Variants in PCDHA7 observed in about 807,000 individuals in gnomAD.
The protein encoded by PCDHA7 is protocadherin alpha 7, also known as protocadherin alpha-7.
In PCDHA7, 37 loss-of-function variants were observed where a neutral mutation model predicts 57.2. The ratio of observed to expected loss-of-function variants is 0.65; its 90% CI spans 0.50 to 0.85. The LOEUF (loss-of-function observed/expected upper bound fraction) is 0.85, where lower values mean the gene tolerates loss of function less well. PCDHA7 is among the 40% of genes least tolerant of loss of function. The pLI, the probability that PCDHA7 is intolerant of heterozygous loss-of-function variation, is 0.00. For synonymous variants in PCDHA7, 553 were observed against 558.8 expected, an observed-to-expected ratio of 0.99 and a Z score of 0.15; for missense variants, 1,188 against 1,241.8, an observed-to-expected ratio of 0.96 and a Z score of 0.65.
intron 1 of PCDHA7, among the ~76,000 whole-genome samples, chr5:140,846,079 G>A (rs1024607553): frequency 1.3e-5 from 2 of 149,824 alleles, no homozygotes; most frequent in South Asian, 2.1e-4. Flanking sequence ...TTTTGGAAAG[G>A]TTAAAGTCCT....
At chr5:140,926,782 C>G in intron 1 of PCDHA7, 1 of 1,403,504 alleles carries the variant, frequency 7.1e-7, no homozygotes, top group Non-Finnish European at 9.3e-7. Context: ...GCAGTGACGG[C>G]CGGCAGGAGC....
chr5:140,903,317 A>G (rs1364222131), intron 1 of PCDHA7, among the ~76,000 whole-genome samples: 1 of 152,204 alleles, frequency 6.6e-6, no homozygotes, highest in African/African-American at 2.4e-5. Context: ...TAAAGACAGC[A>G]TTTTTATTGA....
chr5:140,858,362 C>A, intron 1 of PCDHA7: 1 of 1,591,614 alleles, frequency 6.3e-7, no homozygotes, highest in Non-Finnish European at 8.6e-7. Flanking sequence ...GGCCTTCAGC[C>A]CCAGCCTTCC....
At chr5:140,900,429 C>A (rs1202126306) in intron 1 of PCDHA7, among the ~76,000 whole-genome samples, 1 of 152,174 alleles carries the variant, frequency 6.6e-6, no homozygotes, top group East Asian at 1.9e-4. Context: ...AGGCACGTGC[C>A]ACCACGGCCG....
intron 1 of PCDHA7, among the ~76,000 whole-genome samples, chr5:140,943,423 T>C (rs782562871): frequency 5.3e-5 from 8 of 152,080 alleles, no homozygotes; most frequent in Non-Finnish European, 7.4e-5. Context: ...GGCAAGGGCT[T>C]TAATATGATA....
chr5:140,883,551 G>T, intron 1 of PCDHA7: 4 of 1,614,234 alleles, frequency 2.5e-6, no homozygotes, highest in Non-Finnish European at 3.4e-6. Flanking sequence ...GTGACCGCGC[G>T]GGACGGGGGC....
intron 3 of PCDHA7, among the ~76,000 whole-genome samples, chr5:140,994,479 G>A (rs1229761223): frequency 1.3e-5 from 2 of 152,094 alleles, no homozygotes; most frequent in African/African-American, 4.8e-5. Context: ...GAGGCGGGTG[G>A]ATTGCCTGAA....
chr5:140,995,899 A>G (rs900121248), intron 3 of PCDHA7, among the ~76,000 whole-genome samples: 2 of 152,226 alleles, frequency 1.3e-5, no homozygotes, highest in Non-Finnish European at 2.9e-5. Context: ...ATCAATGTAT[A>G]AAAGAGGAGA....
rs2150239326 is a variant in PCDHA7, at chr5:140,835,607, G to C, written c.1224G>C (p.Val408=). The C allele has an allele frequency of 6.8e-6, 11 of 1,613,920 alleles. No homozygotes were observed. The highest frequency in any genetic ancestry group is 2.2e-5 in the South Asian group (2 of 91,076). Residue 408 remains valine, a synonymous_variant, in exon 1 of 4, where the codon GTG becomes GTC. Transcript: ENST00000525929. The stretch of plus-strand genomic sequence containing the variant: ...CCTTCAAGAATTACTATTCATTGGT[G>C]CTGGACAGCGCTCTGGACCGCGAGA... The part of the protein sequence containing the change: ...VSTFKNYYSL[V]LDSALDRESV...
At chr5:140,888,870 A>G (rs2062015576) in intron 1 of PCDHA7, among the ~76,000 whole-genome samples, 1 of 152,158 alleles carries the variant, frequency 6.6e-6, no homozygotes, top group Non-Finnish European at 1.5e-5. Flanking sequence ...ATGTCTCAAC[A>G]TAAAAATTAA....
At chr5:140,851,846 T>C in intron 1 of PCDHA7, 1 of 970,670 alleles carries the variant, frequency 1.0e-6, no homozygotes, top group Non-Finnish European at 1.2e-6. Context: ...TATCTTTTTC[T>C]CCTCTCAGCT....
chr5:140,876,127 A>G lies in PCDHA7; in HGVS notation c.2355+39389A>G, dbSNP rs782626047. 2.5e-6 allele frequency: 4 copies of G among 1,613,984 alleles called. No homozygotes were observed. The South Asian group carries it at 3.3e-5, about 13-fold the overall frequency. ...ATTGCTGATGGTAATCGATGGCGGTAAACCAGAACTAACAGGGTCTGTCCA... is the reference window on the plus strand; with the variant it reads ...ATTGCTGATGGTAATCGATGGCGGTGAACCAGAACTAACAGGGTCTGTCCA... On this transcript the variant is annotated intron_variant, in intron 1 of 3. Coordinates refer to ENST00000525929, the MANE Select transcript of PCDHA7 (RefSeq NM_018910.3).
chr5:140,856,396 C>T, intron 1 of PCDHA7: 1 of 1,598,526 alleles, frequency 6.3e-7, no homozygotes, highest in Non-Finnish European at 8.6e-7. Context: ...TGCAGGTTTT[C>T]CATGTGGACG....
intron 1 of PCDHA7, among the ~76,000 whole-genome samples, chr5:140,903,580 G>T (rs2070406453): frequency 6.6e-6 from 1 of 152,154 alleles, no homozygotes; most frequent in South Asian, 2.1e-4. Context: ...CTGTCTAGCT[G>T]GTGTTGGCCT....
chr5:140,851,102 G>A, intron 1 of PCDHA7: 1 of 1,288,626 alleles, frequency 7.8e-7, no homozygotes, highest in Non-Finnish European at 1.0e-6. Flanking sequence ...ATATTTTTTG[G>A]GTGCTGAATC....
intron 1 of PCDHA7, among the ~76,000 whole-genome samples, chr5:140,845,288 C>A (rs1304336704): frequency 6.7e-6 from 1 of 149,098 alleles, no homozygotes; most frequent in Non-Finnish European, 1.5e-5. Flanking sequence ...ATTTCCTATC[C>A]TGTCTATGTC....
rs146587864 is a variant in PCDHA7 at position 140,950,030 on chromosome 5, A to G, written c.2356-28919A>G. Among the ~76,000 whole-genome samples the G allele has an allele frequency of 2.6e-4, 39 of 152,064 alleles. 1 individual carries two copies. The East Asian group carries it at 4.8e-3, about 19-fold the overall frequency. On this transcript the variant is annotated intron_variant, in intron 1 of 3. Transcript: ENST00000525929. ...TGTACAACCTTCATAAAATATAGAA[A>G]AGTTACAACCATATAAGACTATTTA...
At chr5:140,895,341 T>C (rs996566433) in intron 1 of PCDHA7, among the ~76,000 whole-genome samples, 5 of 152,186 alleles carry the variant, frequency 3.3e-5, no homozygotes, top group African/African-American at 1.2e-4. Flanking sequence ...TGTTTTACTA[T>C]GCTTTCCAGT....
intron 1 of PCDHA7, among the ~76,000 whole-genome samples, chr5:140,892,670 A>G (rs35160890): frequency 0.3 from 45,256 of 152,112 alleles, 7,290 homozygotes; most frequent in East Asian, 0.53. Context: ...ATTTTGATAC[A>G]TATATACAAT....
Sources: gnomAD v4.1 joint callset for allele counts (sites outside exome capture counted in the v4.1 genomes callset) on GRCh38, gnomAD v4.1.1 for gene constraint, MANE v1.5 for transcripts, NCBI Gene and HGNC (gene_info 2026-07-23, HGNC 2026-07-21) for gene names.